IRAG1: variants seen among roughly 807,000 people sequenced by gnomAD.
IRAG1 encodes IP3R-associated cGMP kinase substrate.
Under a neutral mutation model 106.2 loss-of-function variants are expected in IRAG1, and 62 were observed. The ratio of observed to expected loss-of-function variants is 0.58; its 90% CI spans 0.48 to 0.72. The LOEUF (loss-of-function observed/expected upper bound fraction) is 0.72. Ranked by LOEUF, IRAG1 falls within the 30% of genes least tolerant of loss-of-function variation. IRAG1 has a pLI of 0.00. For synonymous variants in IRAG1, 462 were observed against 443.9 expected (o/e 1.04, Z -0.51); for missense variants, 1,064 against 1,140.7 (o/e 0.93, Z 0.97).
Position 10,693,676 on chromosome 11 carries a change from C to T in IRAG1, c.-74G>A. On this transcript the variant is annotated 5_prime_UTR_variant, in exon 1 of 21. Transcript: ENST00000423302. Reference sequence around the variant, plus strand: ...CTGGCTGCAGAACCTCGGCCGCACGCCTCCTCTGAGAGGGGCTGGGACTTA... The same window carrying T: ...CTGGCTGCAGAACCTCGGCCGCACGTCTCCTCTGAGAGGGGCTGGGACTTA... 6.7e-7 allele frequency: 1 copy of T among 1,496,510 alleles called. No homozygotes were observed. The highest frequency in any genetic ancestry group is 9.0e-7 in the Non-Finnish European group (1 of 1,114,076). 92.7% of individuals were successfully genotyped at this position (1,496,510 alleles called of 1,614,324 possible).
intron 1 of IRAG1, 148 bp from the exon 2 acceptor site, chr11:10,652,330 G>T: frequency 6.9e-7 from 1 of 1,446,504 alleles, no homozygotes; most frequent in Non-Finnish European, 9.1e-7. Context: ...AGGGCATTTG[G>T]AATTTCATTT....
chr11:10,680,143 C>A (rs1004064652), intron 1 of IRAG1, among the ~76,000 whole-genome samples: 4 of 151,506 alleles, frequency 2.6e-5, no homozygotes, highest in Admixed American at 2.0e-4. Context: ...CATGGTGGCG[C>A]ATGCCTGTAA....
In IRAG1 at chr11:10,573,543, C is replaced by T. The variant is rs951110163; in HGVS notation, c.*2789G>A. 3 of 152,210 alleles carry T rather than the reference C, an allele frequency of 2.0e-5. No individual in the cohort carries two copies. The highest frequency in any genetic ancestry group is 2.4e-5 in the African/African-American group (1 of 41,422). The allele number at this position is 152,210 out of a possible 1,614,324, so 9.4% of individuals were successfully genotyped here. A position where few individuals can be genotyped will look rare whatever the true frequency, so the allele number is the denominator to read the frequency against. On this transcript the variant is annotated 3_prime_UTR_variant, in exon 21 of 21. Transcript: ENST00000423302. ...ATGGACTCATGAGCACTTTTTCAGC[C>T]CCTGTATATATGGCTATTCTTATGC...
intron 18 of IRAG1, among the ~76,000 whole-genome samples, chr11:10,588,344 T>C (rs1348719453): frequency 1.3e-5 from 2 of 152,100 alleles, no homozygotes; most frequent in African/African-American, 2.4e-5. Flanking sequence ...AGGGAAACTT[T>C]TTTTTTTTTG....
At chr11:10,679,560 C>T (rs1419509258) in intron 1 of IRAG1, among the ~76,000 whole-genome samples, 2 of 152,238 alleles carry the variant, frequency 1.3e-5, no homozygotes. Flanking sequence ...GAGCCCATGG[C>T]TTCCCCATTC....
chr11:10,682,249 T>C (rs1166645687), intron 1 of IRAG1, among the ~76,000 whole-genome samples: 1 of 152,182 alleles, frequency 6.6e-6, no homozygotes, highest in Non-Finnish European at 1.5e-5. Context: ...AATAAGCACA[T>C]TATTATTACT....
chr11:10,686,196 T>A (rs1861648730), intron 1 of IRAG1, among the ~76,000 whole-genome samples: 1 of 152,180 alleles, frequency 6.6e-6, no homozygotes, highest in Non-Finnish European at 1.5e-5. Context: ...GTATAAGTAC[T>A]TTAGATCTAG....
intron 2 of IRAG1, among the ~76,000 whole-genome samples, chr11:10,638,405 G>A (rs1055041229): frequency 1.3e-5 from 2 of 152,092 alleles, no homozygotes; most frequent in African/African-American, 4.8e-5. Context: ...TTTCATCCTG[G>A]CCTGGTTTTC....
intron 4 of IRAG1, 33 bp from the exon 5 acceptor site, chr11:10,629,744 A>T: frequency 1.9e-6 from 3 of 1,602,236 alleles, no homozygotes; most frequent in Non-Finnish European, 8.5e-7. Context: ...GGTGAGAGCC[A>T]CTGCATCCGT....
At chr11:10,616,388 G>A (rs190902883) in intron 10 of IRAG1, among the ~76,000 whole-genome samples, 39 of 152,108 alleles carry the variant, frequency 2.6e-4, no homozygotes, top group Non-Finnish European at 7.4e-5. Context: ...TAGTGACAGT[G>A]GTTGCCTCTG....
rs575212200 is a variant in IRAG1, at chr11:10,625,999, G to A, written c.1335C>T (p.Pro445=). Residue 445 remains proline, a synonymous_variant, in exon 9 of 21, where the codon CCC becomes CCT. Transcript: ENST00000423302. ...GLKDFQIQVQ[P]VRMQKLTKLR... The stretch of plus-strand genomic sequence containing the variant: ...GCTTGGTCAGTTTCTGCATCCGCAC[G>A]GGCTGCACTTGTATCTGAAAGTCTT... 41 of 1,497,644 alleles carry A rather than the reference G, an allele frequency of 2.7e-5. No individual in the cohort carries two copies. The highest frequency in any genetic ancestry group is 2.3e-4 in the East Asian group (10 of 43,172). 92.8% of individuals were successfully genotyped at this position (1,497,644 alleles called of 1,614,324 possible).
At chr11:10,614,791 C>A (rs1477799279) in intron 10 of IRAG1, among the ~76,000 whole-genome samples, 1 of 152,178 alleles carries the variant, frequency 6.6e-6, no homozygotes, top group African/African-American at 2.4e-5. Context: ...AAAATTAATT[C>A]AAGATCAATT....
rs1473095887 is a variant in IRAG1 at position 10,665,799 on chromosome 11, G to C, written c.68-13617C>G. Reference sequence around the variant, plus strand: ...TCTTTTTTTCACCAATAGACTCTGAGCTGAACTGCAGGATGGTGGGTGTGT... The same window carrying C: ...TCTTTTTTTCACCAATAGACTCTGACCTGAACTGCAGGATGGTGGGTGTGT... On this transcript the variant is annotated intron_variant, in intron 1 of 20. Coordinates refer to ENST00000423302, the MANE Select transcript of IRAG1 (RefSeq NM_130385.4). This position sits in a 1 kb window ranked among gnomAD's most constrained non-coding sequence, Gnocchi z 4.2. Among the ~76,000 whole-genome samples the C allele has an allele frequency of 1.3e-5, 2 of 152,236 alleles. No individual in the cohort carries two copies. Among genetic ancestry groups the C allele is most frequent in the African/African-American group, 4.8e-5 (2 of 41,458 alleles).
Position 10,625,955 on chromosome 11 carries a change from C to A in IRAG1, c.1368+11G>T. On this transcript the variant is annotated intron_variant, in intron 9 of 20. Transcript: ENST00000423302. Reference sequence around the variant, plus strand: ...GTACACACTCTGCCCAACTGGCCCCCAGGAACCCACCTCTCGGAGCTTGGT... The same window carrying A: ...GTACACACTCTGCCCAACTGGCCCCAAGGAACCCACCTCTCGGAGCTTGGT... 1.4e-6 allele frequency: 2 copies of A among 1,464,662 alleles called. No individual in the cohort carries two copies. The highest frequency in any genetic ancestry group is 1.8e-6 in the Non-Finnish European group (2 of 1,107,540). The allele number at this position is 1,464,662 out of a possible 1,614,324, so 90.7% of individuals were successfully genotyped here.
intron 1 of IRAG1, among the ~76,000 whole-genome samples, chr11:10,684,068 A>C (rs757913177): frequency 6.6e-6 from 1 of 152,238 alleles, no homozygotes; most frequent in Admixed American, 6.5e-5. Context: ...TAAACTAATA[A>C]GATGCAACAT....
intron 18 of IRAG1, among the ~76,000 whole-genome samples, chr11:10,584,337 C>T (rs957385272): frequency 9.9e-5 from 15 of 152,030 alleles, no homozygotes; most frequent in Non-Finnish European, 1.9e-4. Flanking sequence ...TACATTTAGT[C>T]AGGCTGGAAA....
chr11:10,598,371 C>T (rs532633495), intron 15 of IRAG1, among the ~76,000 whole-genome samples: 1 of 152,300 alleles, frequency 6.6e-6, no homozygotes, highest in South Asian at 2.1e-4. Flanking sequence ...TTTCTAAGTG[C>T]TTGTGGTCAA....
At chr11:10,606,155 CA>C (rs1397420544) in intron 12 of IRAG1, among the ~76,000 whole-genome samples, 1 of 152,220 alleles carries the variant, frequency 6.6e-6, no homozygotes, top group African/African-American at 2.4e-5. Context: ...TCCACATCAG[CA>C]GTTCTCATTG....
intron 20 of IRAG1, among the ~76,000 whole-genome samples, chr11:10,577,221 A>G (rs1850914911): frequency 6.6e-6 from 1 of 152,224 alleles, no homozygotes; most frequent in Admixed American, 6.5e-5. Flanking sequence ...TGGTTTGTTC[A>G]TGATGTTATC....
Sources: gnomAD v4.1 joint callset for allele counts (sites outside exome capture counted in the v4.1 genomes callset) on GRCh38, gnomAD v4.1.1 for gene constraint, Gnocchi (gnomAD v3.1) non-coding constraint, MANE v1.5 for transcripts, NCBI Gene and HGNC (gene_info 2026-07-23, HGNC 2026-07-21) for gene names.